The following TMEM255B variants were observed in gnomAD, a reference collection of about 807,000 sequenced individuals.
The protein encoded by TMEM255B is transmembrane protein 255B, also known as family with sequence similarity 70, member B.
A neutral mutation model predicts 34.5 loss-of-function variants in TMEM255B; 35 were observed. The ratio of observed to expected loss-of-function variants is 1.01; its 90% CI spans 0.77 to 1.34. The LOEUF is 1.34. Among genes scored for constraint, TMEM255B ranks in the 40% most tolerant of loss-of-function variants. TMEM255B has a pLI of 0.00. For missense variants in TMEM255B, 432 were observed against 433.2 expected (o/e 1.00, Z 0.02); for synonymous variants, 206 against 201.2 (o/e 1.02, Z -0.20).
intron 3 of TMEM255B, among the ~76,000 whole-genome samples, chr13:113,788,485 G>C (rs1166117034): frequency 6.6e-6 from 1 of 151,988 alleles, no homozygotes; most frequent in Non-Finnish European, 1.5e-5. Flanking sequence ...GCGTGGCCTG[G>C]CACTGGCGCA....
rs1407762020 is a variant in TMEM255B at position 113,812,729 on chromosome 13, G to A, written c.*826G>A. Reference sequence around the variant, plus strand: ...TGCACCTGCCGGGCACACCTGGGGAGACGGGTGAGCACGCCTGGGAAGCAG... The same window carrying A: ...TGCACCTGCCGGGCACACCTGGGGAAACGGGTGAGCACGCCTGGGAAGCAG... On this transcript the variant is annotated 3_prime_UTR_variant, in exon 9 of 9. Coordinates refer to ENST00000375353, the MANE Select transcript of TMEM255B (RefSeq NM_182614.4). 1.3e-5 allele frequency: 2 copies of A among 153,498 alleles called. No individual in the cohort carries two copies. Among genetic ancestry groups the A allele is most frequent in the Non-Finnish European group, 2.9e-5 (2 of 68,774 alleles). The allele number at this position is 153,498 out of a possible 1,614,324, so 9.5% of individuals were successfully genotyped here. A position where few individuals can be genotyped will look rare whatever the true frequency, so the allele number is the denominator to read the frequency against.
intron 5 of TMEM255B, chr13:113,799,928 T>C: frequency 7.8e-7 from 1 of 1,277,788 alleles, no homozygotes; most frequent in Non-Finnish European, 1.0e-6. Context: ...ACCTGCCCTG[T>C]GTGGATTCCT....
chr13:113,796,281 A>C (rs1276439544), intron 4 of TMEM255B, among the ~76,000 whole-genome samples: 1 of 150,978 alleles, frequency 6.6e-6, no homozygotes, highest in African/African-American at 2.4e-5. Flanking sequence ...CACCACACAG[A>C]GCACACGCCT....
At chr13:113,808,820 G>T (rs2051240403) in intron 8 of TMEM255B, among the ~76,000 whole-genome samples, 1 of 126,856 alleles carries the variant, frequency 7.9e-6, no homozygotes, top group Non-Finnish European at 1.6e-5. Context: ...ATGTTTCCTG[G>T]GGGTTTACTC....
chr13:113,766,896 A>G (rs2050401527), intron 2 of TMEM255B, among the ~76,000 whole-genome samples: 2 of 152,234 alleles, frequency 1.3e-5, no homozygotes, highest in African/African-American at 4.8e-5. Context: ...TTGGTCACCC[A>G]GATTCAAAAG....
chr13:113,765,521 C>T (rs1172301141), intron 1 of TMEM255B, among the ~76,000 whole-genome samples: 1 of 151,664 alleles, frequency 6.6e-6, no homozygotes, highest in Non-Finnish European at 1.5e-5. Flanking sequence ...TTTTCAAACT[C>T]TTGGAGTAGG....
chr13:113,799,260 C>A, intron 4 of TMEM255B, 79 bp from the exon 5 acceptor site: 1 of 1,410,932 alleles, frequency 7.1e-7, no homozygotes, highest in East Asian at 2.3e-5. Flanking sequence ...GCCTGAGACC[C>A]ACAGGCCTGA....
In TMEM255B at chr13:113,761,360, G is replaced by A. The variant is rs548328640; in HGVS notation, c.46+2045G>A. Reference sequence around the variant, plus strand: ...GCGTGTCTTCCAGGTAGGACCTGGCGTGGGCACAGGCTCATGTGGTTCAGC... The same window carrying A: ...GCGTGTCTTCCAGGTAGGACCTGGCATGGGCACAGGCTCATGTGGTTCAGC... On this transcript the variant is annotated intron_variant, in intron 1 of 8. Transcript: ENST00000375353. The A allele has an allele frequency of 2.7e-5, 27 of 985,326 alleles. No individual in the cohort carries two copies. The East Asian group carries it at 1.3e-3, about 46-fold the overall frequency. The allele number at this position is 985,326 out of a possible 1,614,324, so 61.0% of individuals were successfully genotyped here.
At chr13:113,786,923 G>A (rs2050755603) in intron 3 of TMEM255B, among the ~76,000 whole-genome samples, 1 of 152,192 alleles carries the variant, frequency 6.6e-6, no homozygotes. Flanking sequence ...GGAGGAGTGA[G>A]CCCTGTTCCA....
chr13:113,800,339 G>GTGTGTGTGTGTGTGTGTGTT (rs2051028173), intron 5 of TMEM255B, among the ~76,000 whole-genome samples: 11 of 147,818 alleles, frequency 7.4e-5, no homozygotes, highest in Admixed American at 2.7e-4. Flanking sequence ...GTGTGTGTGT[G>GTGTGTGTGTGTGTGTGTGTT]TGTTGGGGGG....
Position 113,777,745 on chromosome 13 carries a change from G to C in TMEM255B, c.252+8585G>C, listed in dbSNP as rs575032445. Among the ~76,000 whole-genome samples the C allele has an allele frequency of 7.2e-5, 11 of 152,318 alleles. No homozygotes were observed. In the East Asian group the frequency reaches 2.1e-3, roughly 29 times the overall value. On this transcript the variant is annotated intron_variant, in intron 3 of 8. Coordinates refer to ENST00000375353, the MANE Select transcript of TMEM255B (RefSeq NM_182614.4). The stretch of plus-strand genomic sequence containing the variant: ...GGATGAGCCGTCTCCCTAGGTCATG[G>C]GGGGAGCGAGGGCGGCGCTTCCTGC...
rs577970392 is a variant in TMEM255B at position 113,811,935 on chromosome 13, T to G, written c.*32T>G. 3.5e-5 allele frequency: 39 copies of G among 1,115,874 alleles called. No individual in the cohort carries two copies. In the South Asian group the frequency reaches 4.9e-4, roughly 14 times the overall value. 69.1% of individuals were successfully genotyped at this position (1,115,874 alleles called of 1,614,324 possible). A position where few individuals can be genotyped will look rare whatever the true frequency, so the allele number is the denominator to read the frequency against. On this transcript the variant is annotated 3_prime_UTR_variant, in exon 9 of 9. Transcript: ENST00000375353. Reference sequence around the variant, plus strand: ...CGTGGAGTAAAAGATAACTTGTTTGTTTTTTTTTTTAAAAAAAAGGCAGCC... The same window carrying G: ...CGTGGAGTAAAAGATAACTTGTTTGGTTTTTTTTTTAAAAAAAAGGCAGCC...
chr13:113,803,312 A>AC (rs2051101022), intron 7 of TMEM255B: 1 of 148,106 alleles, frequency 6.8e-6, no homozygotes, highest in African/African-American at 2.5e-5. Context: ...TAACCTTCAC[A>AC]CCCACCAAGC....
intron 8 of TMEM255B, among the ~76,000 whole-genome samples, chr13:113,805,673 C>CCA (rs2051158077): frequency 6.6e-6 from 1 of 152,236 alleles, no homozygotes; most frequent in African/African-American, 2.4e-5. Context: ...TGTGCTGGGG[C>CCA]ACCCTAGGTG....
intron 3 of TMEM255B, among the ~76,000 whole-genome samples, chr13:113,771,662 G>A (rs935399106): frequency 6.6e-6 from 1 of 152,120 alleles, no homozygotes; most frequent in Non-Finnish European, 1.5e-5. Context: ...CTGGGTGACT[G>A]AGCAAGACTC....
At chr13:113,780,505 G>A (rs1488115427) in intron 3 of TMEM255B, among the ~76,000 whole-genome samples, 2 of 152,302 alleles carry the variant, frequency 1.3e-5, no homozygotes, top group East Asian at 1.9e-4. Context: ...CTCGCAAGAC[G>A]TTTCCTTGAC....
rs2051169246 is a variant in TMEM255B, at chr13:113,806,235, G to A, written c.813+1207G>A. On this transcript the variant is annotated intron_variant, in intron 8 of 8. Transcript: ENST00000375353. This position sits in a 1 kb window ranked among gnomAD's most constrained non-coding sequence, Gnocchi z 4.2. ...CAGCTCACCTGGGGACCTGCACCAG[G>A]GACCCCGAGGAGGGAGCAGGAACCA... Among the ~76,000 whole-genome samples the A allele has an allele frequency of 1.3e-5, 2 of 152,104 alleles. No homozygotes were observed. The highest frequency in any genetic ancestry group is 2.9e-5 in the Non-Finnish European group (2 of 67,996).
Position 113,801,674 on chromosome 13 carries a change from C to T in TMEM255B, c.531C>T (p.Tyr177=), listed in dbSNP as rs948414019. 6.2e-7 allele frequency: 1 copy of T among 1,612,114 alleles called. No individual in the cohort carries two copies. Among genetic ancestry groups the T allele is most frequent in the Non-Finnish European group, 8.5e-7 (1 of 1,179,086 alleles). ...GCAGCGCAGAGCCCTCGCCCGCCTA[C>T]TATGAGTTCATCGGCGTCAGCGGCT... ...ACGSAEPSPA[Y]YEFIGVSGCQ... The change falls in exon 7 of 9, where the codon TAC becomes TAT. Residue 177 remains tyrosine, a synonymous_variant. Transcript: ENST00000375353.
intron 8 of TMEM255B, among the ~76,000 whole-genome samples, chr13:113,808,918 C>T (rs1235968267): frequency 7.2e-6 from 1 of 139,096 alleles, no homozygotes; most frequent in Admixed American, 7.3e-5. Flanking sequence ...GGGGTTTACT[C>T]TGTGGTTCTT....
Sources: allele counts gnomAD v4.1 joint callset (sites outside exome capture counted in the v4.1 genomes callset), GRCh38; gene constraint gnomAD v4.1.1; non-coding constraint Gnocchi (gnomAD v3.1); transcripts MANE v1.5; gene names NCBI Gene and HGNC (gene_info 2026-07-23, HGNC 2026-07-21).